Variants in CHERP observed in about 807,000 individuals in gnomAD.
CHERP encodes ERPROT 213-21.
In CHERP, 8 loss-of-function variants were observed where a neutral mutation model predicts 113.8. The observed-to-expected ratio is 0.07, with a 90% CI of 0.04 to 0.13. The LOEUF (loss-of-function observed/expected upper bound fraction) is 0.13, where lower values mean the gene tolerates loss of function less well. Ranked by LOEUF, CHERP falls within the 10% of genes least tolerant of loss-of-function variation. CHERP has a pLI of 1.00. For synonymous variants in CHERP, 559 were observed against 524.5 expected, an observed-to-expected ratio of 1.07 and a Z score of -0.90; for missense variants, 884 against 1,298.2, an observed-to-expected ratio of 0.68 and a Z score of 4.90.
intron 2 of CHERP, among the ~76,000 whole-genome samples, chr19:16,536,682 C>T (rs1030033985): frequency 6.6e-6 from 1 of 152,202 alleles, no homozygotes; most frequent in African/African-American, 2.4e-5. Flanking sequence ...TCTCTTATTT[C>T]TCCAACTCCT....
intron 2 of CHERP, 175 bp downstream of exon 2, chr19:16,541,695 C>G: frequency 3.1e-6 from 2 of 639,224 alleles, no homozygotes; most frequent in Non-Finnish European, 5.2e-6. Flanking sequence ...ACAGTGGCAC[C>G]CAGCAGCCGC....
At chr19:16,538,680 T>C (rs1026887136) in intron 2 of CHERP, among the ~76,000 whole-genome samples, 4 of 150,420 alleles carry the variant, frequency 2.7e-5, no homozygotes, top group Non-Finnish European at 5.9e-5. Context: ...CAAGACTCCA[T>C]CTCCAAAAAA....
chr19:16,528,350 T>C (rs938734220), intron 8 of CHERP, 95 bp from the exon 9 acceptor site: 6 of 1,224,780 alleles, frequency 4.9e-6, no homozygotes, highest in Non-Finnish European at 6.8e-6. Flanking sequence ...CTACCGCTTT[T>C]AGTGCCCAGT....
Position 16,532,925 on chromosome 19 carries a change from G to A in CHERP, c.522+86C>T. On this transcript the variant is annotated intron_variant, in intron 4 of 16. Transcript: ENST00000546361. The surrounding 1 kb of genome is among the most constrained non-coding windows in gnomAD (Gnocchi z 4.4). Reference sequence around the variant, plus strand: ...GGAGGGAAGGGCACCCATTGTAACAGCCCTTAGCCCAGATTGGCTACGACA... The same window carrying A: ...GGAGGGAAGGGCACCCATTGTAACAACCCTTAGCCCAGATTGGCTACGACA... 8 of 1,524,292 alleles carry A rather than the reference G, an allele frequency of 5.2e-6. No individual in the cohort carries two copies. Among genetic ancestry groups the A allele is most frequent in the Non-Finnish European group, 7.1e-6 (8 of 1,129,384 alleles). The allele number at this position is 1,524,292 out of a possible 1,614,324, so 94.4% of individuals were successfully genotyped here.
intron 8 of CHERP, 127 bp downstream of exon 8, chr19:16,529,521 G>T (rs1398359702): frequency 2.5e-6 from 3 of 1,201,066 alleles, no homozygotes; most frequent in Non-Finnish European, 3.4e-6. Flanking sequence ...CCTGGGCCTA[G>T]GAGCAGGCCT....
At chr19:16,522,415 C>T (rs1013066414) in intron 11 of CHERP, among the ~76,000 whole-genome samples, 25 of 152,310 alleles carry the variant, frequency 1.6e-4, no homozygotes, top group African/African-American at 5.3e-4. Flanking sequence ...TCTGCCACCA[C>T]GCCTGGCTAA....
rs531673307 is a variant in CHERP, at chr19:16,532,221, C to T, written c.674+377G>A. On this transcript the variant is annotated intron_variant, in intron 5 of 16. Transcript: ENST00000546361. This position sits in a 1 kb window ranked among gnomAD's most constrained non-coding sequence, Gnocchi z 4.4. ...CGTGTGTGTGCGTGCAAATCAGTGA[C>T]GAGGGCAGGAGACAGACACAGAGGC... 3.6e-4 allele frequency: 72 copies of T among 201,984 alleles called. No homozygotes were observed. Among genetic ancestry groups the T allele is most frequent in the African/African-American group, 1.5e-3 (66 of 43,134 alleles). The allele number at this position is 201,984 out of a possible 1,614,324, so 12.5% of individuals were successfully genotyped here.
In CHERP at chr19:16,532,439, G is replaced by T; in HGVS notation, c.674+159C>A. ...CTCGCAGTCCTGGAGACAGAAGCCT[G>T]GTGGCTCACAGAGACCCCCCACCCG... is the stretch of plus-strand genomic sequence containing the variant. On this transcript the variant is annotated intron_variant, in intron 5 of 16. Coordinates refer to ENST00000546361, the MANE Select transcript of CHERP (RefSeq NM_006387.6). The surrounding 1 kb of genome is among the most constrained non-coding windows in gnomAD (Gnocchi z 4.4). The T allele has an allele frequency of 1.2e-6, 1 of 822,952 alleles. No individual in the cohort carries two copies. Among genetic ancestry groups the T allele is most frequent in the Non-Finnish European group, 1.8e-6 (1 of 542,142 alleles). 51.0% of individuals were successfully genotyped at this position (822,952 alleles called of 1,614,324 possible). A position where few individuals can be genotyped will look rare whatever the true frequency, so the allele number is the denominator to read the frequency against.
At position 16,523,597 on chromosome 19, in the gene CHERP, C is replaced by T. The variant is rs1479994035; in HGVS notation, c.1742-307G>A. Among the ~76,000 whole-genome samples the T allele has an allele frequency of 1.3e-5, 2 of 152,182 alleles. No homozygotes were observed. Among genetic ancestry groups the T allele is most frequent in the South Asian group, 2.1e-4 (1 of 4,826 alleles). ...CGAATCCATACGCTGAGGTCCCAGC[C>T]CCCAGTAGCTCAGGACGGAACTGTA... On this transcript the variant is annotated intron_variant, in intron 10 of 16. Transcript: ENST00000546361. The surrounding 1 kb of genome is among the most constrained non-coding windows in gnomAD (Gnocchi z 4.0).
intron 8 of CHERP, among the ~76,000 whole-genome samples, 162 bp from the exon 9 acceptor site, chr19:16,528,417 G>A (rs541351177): frequency 2.0e-5 from 3 of 152,338 alleles, no homozygotes; most frequent in African/African-American, 7.2e-5. Context: ...CCAGGAAGGG[G>A]ACAGGGCGAG....
At position 16,525,825 on chromosome 19, in the gene CHERP, C is replaced by T; in HGVS notation, c.1306-148G>A. The T allele has an allele frequency of 4.4e-6, 3 of 681,542 alleles. No homozygotes were observed. The highest frequency in any genetic ancestry group is 3.2e-5 in the East Asian group (1 of 30,914). 42.2% of individuals were successfully genotyped at this position (681,542 alleles called of 1,614,324 possible). The stretch of plus-strand genomic sequence containing the variant: ...GAGGCGCCTCCTACGCTGACGCCTG[C>T]GAGGATGCTGGGCACCTGCTCTCAG... On this transcript the variant is annotated intron_variant, in intron 9 of 16. Transcript: ENST00000546361. The surrounding 1 kb of genome is among the most constrained non-coding windows in gnomAD (Gnocchi z 6.5).
chr19:16,542,008 G>C lies in CHERP; in HGVS notation c.61C>G (p.Gln21Glu). 1 of 1,613,832 alleles carries C rather than the reference G, an allele frequency of 6.2e-7. No homozygotes were observed. The highest frequency in any genetic ancestry group is 8.5e-7 in the Non-Finnish European group (1 of 1,179,940). ...ELRNVIDKLA[Q>E]FVARNGPEFE... ...TCGGGCCCATTGCGAGCCACGAACT[G>C]GGCGAGCTTGTCGATGACATTTCGA... The change falls in exon 2 of 17, where the codon CAG (glutamine) becomes GAG (glutamate). Residue 21 changes from glutamine (Q) to glutamate (E), a missense_variant. Physicochemically the swap from Gln to Glu is conservative, Grantham distance 29 (BLOSUM62 2). Coordinates refer to ENST00000546361, the MANE Select transcript of CHERP (RefSeq NM_006387.6).
At chr19:16,531,365 T>C (rs909720271) in intron 5 of CHERP, among the ~76,000 whole-genome samples, 4 of 152,082 alleles carry the variant, frequency 2.6e-5, no homozygotes, top group Admixed American at 6.5e-5. Context: ...TAGAACACTT[T>C]AGAAGAGTGA....
In CHERP at chr19:16,530,531, CTGGGGA is replaced by C; in HGVS notation, c.876+48_876+53del. 6.4e-7 allele frequency: 1 copy of C among 1,565,824 alleles called. No homozygotes were observed. The highest frequency in any genetic ancestry group is 8.8e-7 in the Non-Finnish European group (1 of 1,137,248). The stretch of plus-strand genomic sequence containing the variant: ...GCTGTCCCCACACTCCCAAACCCTC[CTGGGGA>C]ACCCGCCCCAGCTCTAGGGTGAGGT... On this transcript the variant is annotated intron_variant, in intron 7 of 16. Coordinates refer to ENST00000546361, the MANE Select transcript of CHERP (RefSeq NM_006387.6). The surrounding 1 kb of genome is among the most constrained non-coding windows in gnomAD (Gnocchi z 4.1).
In CHERP at chr19:16,530,687, G is replaced by GGA; in HGVS notation, c.787-15_787-14dup. 2 of 1,614,064 alleles carry GGA rather than the reference G, an allele frequency of 1.2e-6. No individual in the cohort carries two copies. Among genetic ancestry groups the GGA allele is most frequent in the South Asian group, 2.2e-5 (2 of 91,092 alleles). On this transcript the variant is annotated splice_polypyrimidine_tract_variant and intron_variant, in intron 6 of 16. Coordinates refer to ENST00000546361, the MANE Select transcript of CHERP (RefSeq NM_006387.6). This position sits in a 1 kb window ranked among gnomAD's most constrained non-coding sequence, Gnocchi z 4.1. ...AGAGCTGCAGGAGCTGGCGGTGGGAGGAGAGAGAGGCCGGGTCAGTGGGGA... is the reference window on the plus strand; with the variant it reads ...AGAGCTGCAGGAGCTGGCGGTGGGAGGAGAGAGAGAGGCCGGGTCAGTGGGGA...
chr19:16,523,438 G>T lies in CHERP; in HGVS notation c.1742-148C>A. ...ATCTTCTCTCACTGCTTAAGACCAG[G>T]CAGCAAGGCACCGAGGAGCCAGGCT... On this transcript the variant is annotated intron_variant, in intron 10 of 16. Transcript: ENST00000546361. The surrounding 1 kb of genome is among the most constrained non-coding windows in gnomAD (Gnocchi z 4.0). The T allele has an allele frequency of 1.1e-6, 1 of 896,374 alleles. No homozygotes were observed. Among genetic ancestry groups the T allele is most frequent in the Non-Finnish European group, 1.7e-6 (1 of 595,506 alleles). The allele number at this position is 896,374 out of a possible 1,614,324, so 55.5% of individuals were successfully genotyped here. A position where few individuals can be genotyped will look rare whatever the true frequency, so the allele number is the denominator to read the frequency against.
At chr19:16,524,765 T>C (rs932365187) in intron 10 of CHERP, among the ~76,000 whole-genome samples, 2 of 151,618 alleles carry the variant, frequency 1.3e-5, no homozygotes, top group Non-Finnish European at 2.9e-5. Context: ...AAAAGTAGTT[T>C]TTTGTTTTTT....
chr19:16,522,096 G>GC (rs2085621297), intron 11 of CHERP, among the ~76,000 whole-genome samples: 1 of 152,130 alleles, frequency 6.6e-6, no homozygotes, highest in South Asian at 2.1e-4. Flanking sequence ...TCCTGTTGAG[G>GC]CCCTGCCCTG....
rs945673122 is a variant in CHERP, at chr19:16,525,850, G to A, written c.1306-173C>T. On this transcript the variant is annotated intron_variant, in intron 9 of 16. Coordinates refer to ENST00000546361, the MANE Select transcript of CHERP (RefSeq NM_006387.6). The surrounding 1 kb of genome is among the most constrained non-coding windows in gnomAD (Gnocchi z 6.5). Reference sequence around the variant, plus strand: ...CGAGGATGCTGGGCACCTGCTCTCAGCCCGCACCACATGCTGCTGCAAAAT... The same window carrying A: ...CGAGGATGCTGGGCACCTGCTCTCAACCCGCACCACATGCTGCTGCAAAAT... Among the ~76,000 whole-genome samples, 1 of 152,186 alleles carries A rather than the reference G, an allele frequency of 6.6e-6. No individual in the cohort carries two copies. The highest frequency in any genetic ancestry group is 6.5e-5 in the Admixed American group (1 of 15,280).
Sources: allele counts gnomAD v4.1 joint callset (sites outside exome capture counted in the v4.1 genomes callset), GRCh38; gene constraint gnomAD v4.1.1; non-coding constraint Gnocchi (gnomAD v3.1); transcripts MANE v1.5; gene names NCBI Gene and HGNC (gene_info 2026-07-23, HGNC 2026-07-21).